ADAMTS3: variants seen among roughly 807,000 people sequenced by gnomAD.
ADAMTS3 encodes the protein ADAM metallopeptidase with thrombospondin type 1 motif 3, also known as A disintegrin and metalloproteinase with thrombospondin motifs 3.
Under a neutral mutation model 129.0 loss-of-function variants are expected in ADAMTS3, and 73 were observed. The observed-to-expected ratio is 0.57, with a 90% CI of 0.47 to 0.69. ADAMTS3 has a LOEUF of 0.69. ADAMTS3 is among the 30% of genes least tolerant of loss of function. ADAMTS3 has a pLI of 0.00. For missense variants in ADAMTS3, 1,457 were observed against 1,514.5 expected (o/e 0.96, Z 0.63); for synonymous variants, 477 against 510.8 (o/e 0.93, Z 0.89).
chr4:72,517,048 G>C (rs1439912345), intron 3 of ADAMTS3, among the ~76,000 whole-genome samples: 1 of 151,972 alleles, frequency 6.6e-6, no homozygotes, highest in Non-Finnish European at 1.5e-5. Context: ...AGCATGAAGG[G>C]CTGTTGAATT....
intron 3 of ADAMTS3, among the ~76,000 whole-genome samples, chr4:72,547,630 A>C (rs989652956): frequency 6.6e-6 from 1 of 152,320 alleles, no homozygotes; most frequent in South Asian, 2.1e-4. Context: ...GTGAAGAGAC[A>C]GTTTTTCTCC....
intron 4 of ADAMTS3, among the ~76,000 whole-genome samples, chr4:72,380,824 AT>A (rs1721267918): frequency 6.6e-6 from 1 of 152,206 alleles, no homozygotes; most frequent in South Asian, 2.1e-4. Flanking sequence ...TTCCATAGAA[AT>A]ACATCATCTT....
chr4:72,339,044 T>C (rs977503662), intron 5 of ADAMTS3, among the ~76,000 whole-genome samples: 1 of 152,186 alleles, frequency 6.6e-6, no homozygotes, highest in Non-Finnish European at 1.5e-5. Flanking sequence ...GTTCAAAAGC[T>C]GTAATAACAA....
chr4:72,306,672 C>T (rs1283365821), intron 15 of ADAMTS3, among the ~76,000 whole-genome samples: 1 of 151,698 alleles, frequency 6.6e-6, no homozygotes, highest in Non-Finnish European at 1.5e-5. Context: ...CTATTTTAAC[C>T]AAATCGACAA....
At chr4:72,551,446 C>T (rs2109793449) in intron 2 of ADAMTS3, among the ~76,000 whole-genome samples, 1 of 152,088 alleles carries the variant, frequency 6.6e-6, no homozygotes, top group South Asian at 2.1e-4. Context: ...TTCTCTAATG[C>T]TAAATAATAA....
At chr4:72,309,672 T>C (rs1410964678) in intron 14 of ADAMTS3, 152 bp from the exon 15 acceptor site, 1 of 723,574 alleles carries the variant, frequency 1.4e-6, no homozygotes, top group Non-Finnish European at 2.1e-6. Flanking sequence ...AATACCTCAG[T>C]TTTTTAAAAA....
At position 72,295,719 on chromosome 4, in the gene ADAMTS3, A is replaced by C; in HGVS notation, c.2658T>G (p.Cys886Trp). Residue 886 changes from cysteine (C) to tryptophan (W), a missense_variant, in exon 19 of 22, where the codon TGT becomes TGG. Transcript: ENST00000286657. Reference protein sequence around the residue: ...SDNKMVHRSFCEANKKPKPIR... With the variant: ...SDNKMVHRSFWEANKKPKPIR... ...TAGGTTTCGGCTTTTTGTTGGCCTC[A>C]CAGAAGCTGCGATGGACCATTTTAT... The C allele has an allele frequency of 3.1e-6, 5 of 1,613,040 alleles. No homozygotes were observed. The highest frequency in any genetic ancestry group is 4.2e-6 in the Non-Finnish European group (5 of 1,179,202).
Position 72,568,815 on chromosome 4 carries a change from A to AACCCCCCC in ADAMTS3, c.-54_-53insGGGGGGGT. 1 of 1,150,002 alleles carries AACCCCCCC rather than the reference A, an allele frequency of 8.7e-7. No individual in the cohort carries two copies. The highest frequency in any genetic ancestry group is 1.2e-6 in the Non-Finnish European group (1 of 850,606). The allele number at this position is 1,150,002 out of a possible 1,614,324, so 71.2% of individuals were successfully genotyped here. A position where few individuals can be genotyped will look rare whatever the true frequency, so the allele number is the denominator to read the frequency against. On this transcript the variant is annotated 5_prime_UTR_variant, in exon 1 of 22. Transcript: ENST00000286657. Reference sequence around the variant, plus strand: ...TGGGCAAAGCAAATGCCCAGAGCAAACCCACCCCCCCCGCCCAAAATAAGT... The same window carrying AACCCCCCC: ...TGGGCAAAGCAAATGCCCAGAGCAAAACCCCCCCCCCACCCCCCCCGCCCAAAATAAGT...
At chr4:72,392,726 G>A (rs1157657347) in intron 4 of ADAMTS3, among the ~76,000 whole-genome samples, 1 of 151,624 alleles carries the variant, frequency 6.6e-6, no homozygotes, top group South Asian at 2.1e-4. Context: ...AAGGGGATAG[G>A]GGAATATAAA....
intron 5 of ADAMTS3, among the ~76,000 whole-genome samples, chr4:72,332,694 A>G (rs574274245): frequency 6.6e-6 from 1 of 151,758 alleles, no homozygotes; most frequent in East Asian, 1.9e-4. Flanking sequence ...CACAGACAGC[A>G]GAGTGTTGCT....
At chr4:72,323,177 AC>A in intron 5 of ADAMTS3, 80 bp from the exon 6 acceptor site, 1 of 1,063,832 alleles carries the variant, frequency 9.4e-7, no homozygotes, top group Non-Finnish European at 1.4e-6. Flanking sequence ...CTGTGTAATC[AC>A]CACAAATAGG....
At position 72,500,283 on chromosome 4, in the gene ADAMTS3, G is replaced by A. The variant is rs142102011; in HGVS notation, c.504+48195C>T. On this transcript the variant is annotated intron_variant, in intron 3 of 21. Coordinates refer to ENST00000286657, the MANE Select transcript of ADAMTS3 (RefSeq NM_014243.3). Reference sequence around the variant, plus strand: ...TTTCTCTGCAGCCTTGACAGCATCTGTTATTTTTTGACTTTTTAATAATAA... The same window carrying A: ...TTTCTCTGCAGCCTTGACAGCATCTATTATTTTTTGACTTTTTAATAATAA... Among the ~76,000 whole-genome samples the A allele has an allele frequency of 5.4e-3, 819 of 152,206 alleles. 6 individuals are homozygous for A. The highest frequency in any genetic ancestry group is 0.017 in the African/African-American group (717 of 41,542).
chr4:72,501,402 G>C (rs983215011), intron 3 of ADAMTS3, among the ~76,000 whole-genome samples: 7 of 152,012 alleles, frequency 4.6e-5, no homozygotes, highest in Non-Finnish European at 8.8e-5. Flanking sequence ...TTGTGTTCTT[G>C]ATTTGGCTCG....
At chr4:72,295,403 A>G (rs1193211893) in intron 19 of ADAMTS3, among the ~76,000 whole-genome samples, 1 of 152,068 alleles carries the variant, frequency 6.6e-6, no homozygotes, top group African/African-American at 2.4e-5. Context: ...AAAACATTTG[A>G]CTTAGATGGA....
chr4:72,530,747 ATATAT>A (rs1721011710), intron 3 of ADAMTS3, among the ~76,000 whole-genome samples: 2 of 41,462 alleles, frequency 4.8e-5, no homozygotes, highest in South Asian at 1.0e-3. Flanking sequence ...TATATATATT[ATATAT>A]TATATATTAT....
At chr4:72,373,109 T>C (rs1721051347) in intron 4 of ADAMTS3, among the ~76,000 whole-genome samples, 2 of 152,136 alleles carry the variant, frequency 1.3e-5, no homozygotes, top group African/African-American at 4.8e-5. Flanking sequence ...TTTTAAAAAA[T>C]TACATGGAAA....
chr4:72,427,002 C>T (rs1042262821), intron 3 of ADAMTS3, among the ~76,000 whole-genome samples: 2 of 152,100 alleles, frequency 1.3e-5, no homozygotes, highest in Non-Finnish European at 2.9e-5. Context: ...AAAGGATCAG[C>T]CCTATATTGT....
intron 3 of ADAMTS3, among the ~76,000 whole-genome samples, chr4:72,461,247 T>C (rs990111802): frequency 1.3e-5 from 2 of 151,480 alleles, no homozygotes; most frequent in African/African-American, 4.8e-5. Context: ...ATATGAAATA[T>C]TATGATCTGA....
Position 72,318,518 on chromosome 4 carries a change from G to A in ADAMTS3, c.1485+54C>T. On this transcript the variant is annotated intron_variant, in intron 10 of 21. Transcript: ENST00000286657. Reference sequence around the variant, plus strand: ...AGTCTGTAAATCTCACCAAGCAGGAGCTACACAAATAGATTTCGAGCTGCA... The same window carrying A: ...AGTCTGTAAATCTCACCAAGCAGGAACTACACAAATAGATTTCGAGCTGCA... 1.3e-6 allele frequency: 2 copies of A among 1,588,980 alleles called. 1 individual carries two copies. Among genetic ancestry groups the A allele is most frequent in the South Asian group, 2.3e-5 (2 of 87,408 alleles).
Sources: allele counts gnomAD v4.1 joint callset (sites outside exome capture counted in the v4.1 genomes callset), GRCh38; gene constraint gnomAD v4.1.1; transcripts MANE v1.5; gene names NCBI Gene and HGNC (gene_info 2026-07-23, HGNC 2026-07-21).